C12orf71: variants seen among roughly 807,000 people sequenced by gnomAD.
The protein encoded by C12orf71 is uncharacterized protein C12orf71.
Under a neutral mutation model 11.7 loss-of-function variants are expected in C12orf71, and 10 were observed. The ratio of observed to expected loss-of-function variants is 0.86; its 90% confidence interval spans 0.53 to 1.45. The LOEUF is 1.45. Among genes scored for constraint, C12orf71 ranks in the 40% most tolerant of loss-of-function variants. The probability of loss-of-function intolerance (pLI) is 0.00; values close to 1 mark genes in which losing one functional copy is unlikely to be tolerated. For synonymous variants in C12orf71, 110 were observed against 123.4 expected (o/e 0.89, Z 0.72); for missense variants, 293 against 325.8 (o/e 0.90, Z 0.78).
chr12:27,082,228 G>C lies in C12orf71; in HGVS notation c.256C>G (p.Leu86Val). 1 of 1,613,616 alleles carries C rather than the reference G, an allele frequency of 6.2e-7. No homozygotes were observed. Residue 86 changes from leucine to valine, a missense_variant, in exon 1 of 2, where the codon CTA becomes GTA. Physicochemically the swap from Leu to Val is conservative, Grantham distance 32. Transcript: ENST00000429849. ...IQDEPEQFCK[L>V]SIFLAWDVDI... ...ACGTCCCAGGCCAGGAAGATGCTTA[G>C]TTTGCAAAACTGCTCTGGTTCATCC...
upstream of C12orf71, among the ~76,000 whole-genome samples, chr12:27,084,052 G>C (rs1941958416): frequency 6.6e-6 from 1 of 151,996 alleles, no homozygotes; most frequent in Non-Finnish European, 1.5e-5. Context: ...TAACTCCTGA[G>C]GCAAAAAAAG....
rs78723221 is a variant in C12orf71 at position 27,081,617 on chromosome 12, C to T, written c.517-150G>A. On this transcript the variant is annotated intron_variant, in intron 1 of 1. Transcript: ENST00000429849. The stretch of plus-strand genomic sequence containing the variant: ...AATGCTCATCAATACTAAACATATA[C>T]GTTTTTGGTGGGGAGGGAGATATAG... 6.0e-3 allele frequency: 4,732 copies of T among 783,674 alleles called. 161 individuals carry two copies. In the African/African-American group the frequency reaches 0.072, roughly 12 times the overall value. 48.5% of individuals were successfully genotyped at this position (783,674 alleles called of 1,614,324 possible).
chr12:27,083,385 C>G (rs1021651152), upstream of C12orf71, among the ~76,000 whole-genome samples: 1 of 152,076 alleles, frequency 6.6e-6, no homozygotes, highest in Non-Finnish European at 1.5e-5. Context: ...GATCTTGTAT[C>G]ATAAAAGAAA....
chr12:27,082,651 C>A (rs1941947752), upstream of C12orf71: 1 of 522,646 alleles, frequency 1.9e-6, no homozygotes, highest in Non-Finnish European at 3.1e-6. Flanking sequence ...ACTCTGTCTC[C>A]CAGGCTGGAA....
At chr12:27,083,583 A>G (rs759634033), upstream of C12orf71, among the ~76,000 whole-genome samples, 1 of 152,204 alleles carries the variant, frequency 6.6e-6, no homozygotes, top group African/African-American at 2.4e-5. Context: ...ACATACACAT[A>G]TACATATATG....
rs748890156 is a variant in C12orf71, at chr12:27,082,036, C to T, written c.448G>A (p.Ala150Thr). ...TGCTGAGCAGTTTCAGGAAATACAG[C>T]GTCATCATCTTTCAGATTTTCTAGA... ...IFLENLKDDD[A>T]VFPETAQQDF... The change falls in exon 1 of 2, where the codon GCT becomes ACT. Residue 150 changes from alanine to threonine, a missense_variant. By Grantham distance (58) the Ala-to-Thr change is moderately conservative (BLOSUM62 0). Transcript: ENST00000429849. 7.5e-6 allele frequency: 12 copies of T among 1,596,162 alleles called. No individual in the cohort carries two copies. Among genetic ancestry groups the T allele is most frequent in the Admixed American group, 5.2e-5 (3 of 57,202 alleles).
chr12:27,082,524 C>CA lies in C12orf71; in HGVS notation c.-42dup, dbSNP rs1941946577. 1 of 1,413,520 alleles carries CA rather than the reference C, an allele frequency of 7.1e-7. No homozygotes were observed. Among genetic ancestry groups the CA allele is most frequent in the Non-Finnish European group, 9.3e-7 (1 of 1,080,122 alleles). 87.6% of individuals were successfully genotyped at this position (1,413,520 alleles called of 1,614,324 possible). A position where few individuals can be genotyped will look rare whatever the true frequency, so the allele number is the denominator to read the frequency against. ...AAATTTCTCTCAACTTGAGAAGCTT[C>CA]AAAAAAGAAAAAAGAAAAAATAGGT... On this transcript the variant is annotated 5_prime_UTR_variant, in exon 1 of 2. An upstream open reading frame in the 5' UTR gains an earlier in-frame stop. Transcript: ENST00000429849.
Position 27,081,305 on chromosome 12 carries a change from AG to A in C12orf71, c.678del (p.Ser227LeufsTer3), listed in dbSNP as rs774739525. On this transcript the variant is annotated frameshift_variant, in exon 2 of 2. Coordinates refer to ENST00000429849, the MANE Select transcript of C12orf71 (RefSeq NM_001080406.2). LOFTEE classifies it low-confidence loss of function (END_TRUNC). ...ACAGGGTGATCCCTCCTCAGCAGAG[AG>A]GGGAGGATACGCTGCCTCAGCCAGC... ...AFSWLRQRIL[P>X]SLLRRDHPVN... The A allele has an allele frequency of 2.3e-5, 37 of 1,613,862 alleles. No individual in the cohort carries two copies. The African/African-American group carries it at 4.1e-4, about 18-fold the overall frequency.
chr12:27,081,757 C>G, intron 1 of C12orf71: 1 of 721,280 alleles, frequency 1.4e-6, no homozygotes, highest in South Asian at 1.5e-5. Context: ...CACGTCAGTC[C>G]CCCTGGGACC....
chr12:27,084,087 C>A (rs886494836), upstream of C12orf71, among the ~76,000 whole-genome samples: 1 of 152,200 alleles, frequency 6.6e-6, no homozygotes, highest in African/African-American at 2.4e-5. Context: ...CCTTCACATC[C>A]CGAGTCTCCG....
In C12orf71 at chr12:27,081,091, A is replaced by C. The variant is rs1019633370; in HGVS notation, c.*83T>G. 5.7e-6 allele frequency: 6 copies of C among 1,045,136 alleles called. No homozygotes were observed. The African/African-American group carries it at 9.6e-5, about 17-fold the overall frequency. The allele number at this position is 1,045,136 out of a possible 1,614,324, so 64.7% of individuals were successfully genotyped here. ...ACAAGAGCATTTATTTTGTTTATTG[A>C]GGAAAAAACAAACTGATGGGGATTA... On this transcript the variant is annotated 3_prime_UTR_variant, in exon 2 of 2. Transcript: ENST00000429849.
At chr12:27,081,779 A>G in intron 1 of C12orf71, 189 bp downstream of exon 1, 4 of 739,956 alleles carry the variant, frequency 5.4e-6, no homozygotes, top group African/African-American at 1.7e-5. Flanking sequence ...GCCTCCTCCT[A>G]GTGGTCATAA....
chr12:27,082,980 G>T (rs1425984225), upstream of C12orf71, among the ~76,000 whole-genome samples: 1 of 150,116 alleles, frequency 6.7e-6, no homozygotes, highest in Non-Finnish European at 1.5e-5. Context: ...TCGCTCTGTT[G>T]TCCAGGCTGG....
At chr12:27,083,237 A>G (rs923143649), upstream of C12orf71, among the ~76,000 whole-genome samples, 1 of 152,176 alleles carries the variant, frequency 6.6e-6, no homozygotes, top group African/African-American at 2.4e-5. Context: ...AGGCCTGGCC[A>G]GTGTTATCCA....
chr12:27,083,744 TA>T (rs1224791873), upstream of C12orf71, among the ~76,000 whole-genome samples: 26 of 152,218 alleles, frequency 1.7e-4, no homozygotes, highest in African/African-American at 6.3e-4. Flanking sequence ...AATCTTTGAC[TA>T]TGTCTCTTAT....
intron 1 of C12orf71, 70 bp downstream of exon 1, chr12:27,081,898 T>C: frequency 6.8e-7 from 1 of 1,464,068 alleles, no homozygotes. Flanking sequence ...GGAGACTACA[T>C]AACATCTTTA....
intron 1 of C12orf71, 157 bp downstream of exon 1, chr12:27,081,811 C>T (rs1317323114): frequency 1.2e-6 from 1 of 834,886 alleles, no homozygotes; most frequent in Non-Finnish European, 2.0e-6. Flanking sequence ...TCAACCCAGG[C>T]CTATCCCTTC....
Position 27,081,135 on chromosome 12 carries a change from T to C in C12orf71, c.*39A>G. On this transcript the variant is annotated 3_prime_UTR_variant, in exon 2 of 2. Coordinates refer to ENST00000429849, the MANE Select transcript of C12orf71 (RefSeq NM_001080406.2). ...GGGATTATTAATGGAATCCTTATTATGGATTATTTTAAACTTTCCAAAAAG... is the reference window on the plus strand; with the variant it reads ...GGGATTATTAATGGAATCCTTATTACGGATTATTTTAAACTTTCCAAAAAG... The C allele has an allele frequency of 6.9e-7, 1 of 1,455,118 alleles. No individual in the cohort carries two copies. Among genetic ancestry groups the C allele is most frequent in the Admixed American group, 2.0e-5 (1 of 49,364 alleles). The allele number at this position is 1,455,118 out of a possible 1,614,324, so 90.1% of individuals were successfully genotyped here. A position where few individuals can be genotyped will look rare whatever the true frequency, so the allele number is the denominator to read the frequency against.
upstream of C12orf71, among the ~76,000 whole-genome samples, chr12:27,083,578 C>T (rs1251100209): frequency 1.3e-5 from 2 of 152,096 alleles, no homozygotes; most frequent in Admixed American, 6.6e-5. Context: ...TGTCCACATA[C>T]ACATATACAT....
Sources: gnomAD v4.1 joint callset for allele counts (sites outside exome capture counted in the v4.1 genomes callset) on GRCh38, gnomAD v4.1.1 for gene constraint, MANE v1.5 for transcripts, NCBI Gene and HGNC (gene_info 2026-07-23, HGNC 2026-07-21) for gene names.